Variants in WDPCP observed in about 807,000 individuals in gnomAD.
WDPCP encodes the protein WD repeat-containing and planar cell polarity effector protein fritz homolog.
WDPCP carries 71 observed loss-of-function variants against 93.1 expected under a neutral mutation model. The ratio of observed to expected loss-of-function variants is 0.76; its 90% confidence interval spans 0.63 to 0.93. The LOEUF (loss-of-function observed/expected upper bound fraction) is 0.93, where lower values mean the gene tolerates loss of function less well. Ranked by LOEUF, WDPCP falls within the 40% of genes least tolerant of loss-of-function variation. WDPCP has a pLI of 0.00. For missense variants in WDPCP, 844 were observed against 887.4 expected (o/e 0.95, Z 0.62); for synonymous variants, 315 against 315.0 (o/e 1.00, Z 0.00).
rs143107920 is a variant in WDPCP, at chr2:63,656,688, T to C, written n.309-5850A>G. Among the ~76,000 whole-genome samples, 95 of 152,378 alleles carry C rather than the reference T, an allele frequency of 6.2e-4. 1 individual carries two copies. The East Asian group carries it at 0.013, about 21-fold the overall frequency. On this transcript the variant is annotated intron_variant and non_coding_transcript_variant, in intron 2 of 4. Transcript: ENST00000467687. ...AGTACCTACTATGTGCCAAGCACTA[T>C]TCAAGGTGCTGAAGACAGAGCAATA...
At chr2:63,614,506 G>C (rs1373929422) in intron 3 of WDPCP, among the ~76,000 whole-genome samples, 1 of 152,078 alleles carries the variant, frequency 6.6e-6, no homozygotes. Context: ...TGATGTCTTT[G>C]GTATGCTGAG....
intron 10 of WDPCP, among the ~76,000 whole-genome samples, chr2:63,393,979 A>G (rs1398119234): frequency 6.6e-6 from 1 of 152,186 alleles, no homozygotes; most frequent in Non-Finnish European, 1.5e-5. Context: ...CTGCAAGGTA[A>G]CCTAGGAAAT....
intron 17 of WDPCP, among the ~76,000 whole-genome samples, chr2:63,127,424 G>A (rs2153397418): frequency 6.6e-6 from 1 of 151,696 alleles, no homozygotes; most frequent in Non-Finnish European, 1.5e-5. Flanking sequence ...CACCCGGCCT[G>A]AAAATATTTT....
intron 12 of WDPCP, among the ~76,000 whole-genome samples, chr2:63,332,073 G>T (rs1688016147): frequency 6.6e-6 from 1 of 150,380 alleles, no homozygotes; most frequent in Non-Finnish European, 1.5e-5. Flanking sequence ...AGTTCTCTTG[G>T]GGGGAGATAC....
intron 10 of WDPCP, among the ~76,000 whole-genome samples, chr2:63,390,565 G>C (rs1012054213): frequency 1.1e-4 from 16 of 152,184 alleles, no homozygotes; most frequent in African/African-American, 3.9e-4. Flanking sequence ...AGAACTGAAA[G>C]AGATAGAGAC....
intron 17 of WDPCP, among the ~76,000 whole-genome samples, chr2:63,147,977 A>AC (rs1346218732): frequency 5.9e-5 from 9 of 151,892 alleles, no homozygotes; most frequent in African/African-American, 2.2e-4. Context: ...CAAAAAAAAA[A>AC]AAAAAAAAAA....
At chr2:63,585,786 C>G (rs1361481569) in intron 1 of WDPCP, among the ~76,000 whole-genome samples, 1 of 148,584 alleles carries the variant, frequency 6.7e-6, no homozygotes, top group African/African-American at 2.5e-5. Context: ...AGATCTATAA[C>G]AATTTTATAT....
intron 2 of WDPCP, among the ~76,000 whole-genome samples, chr2:63,492,312 T>C (rs1016000016): frequency 2.6e-5 from 4 of 152,176 alleles, no homozygotes; most frequent in East Asian, 3.9e-4. Context: ...CCCCCCAAAA[T>C]TGTGAAAAAC....
At chr2:63,224,238 A>G (rs910075156) in intron 14 of WDPCP, among the ~76,000 whole-genome samples, 3 of 151,776 alleles carry the variant, frequency 2.0e-5, no homozygotes, top group African/African-American at 7.3e-5. Context: ...AATCTAGCAC[A>G]CTCATGACAT....
chr2:63,144,089 T>C (rs1401860599), intron 17 of WDPCP, among the ~76,000 whole-genome samples: 2 of 152,174 alleles, frequency 1.3e-5, no homozygotes, highest in East Asian at 3.9e-4. Context: ...TTCTTAAGTT[T>C]GGTTGTTTAA....
chr2:63,256,006 A>G (rs933305407), intron 14 of WDPCP, among the ~76,000 whole-genome samples: 1 of 152,204 alleles, frequency 6.6e-6, no homozygotes, highest in Non-Finnish European at 1.5e-5. Context: ...GAAAACTACA[A>G]AACATTTTTC....
At chr2:63,782,246 T>C (rs1459468188) in intron 2 of WDPCP, among the ~76,000 whole-genome samples, 2 of 152,146 alleles carry the variant, frequency 1.3e-5, no homozygotes, top group East Asian at 3.8e-4. Flanking sequence ...TTCTGGACAT[T>C]TGAATAGGCA....
intron 2 of WDPCP, among the ~76,000 whole-genome samples, chr2:63,708,949 G>A (rs111809470): frequency 0.017 from 2,547 of 150,406 alleles, 21 homozygotes; most frequent in African/African-American, 0.018. Flanking sequence ...AAATTTGGCC[G>A]GGCACTCACG....
chr2:63,228,874 A>G (rs1251747635), intron 14 of WDPCP: 3 of 152,168 alleles, frequency 2.0e-5, no homozygotes, highest in African/African-American at 7.2e-5. Flanking sequence ...GCTATTGTGA[A>G]TAGTGCTGCA....
chr2:63,231,372 A>G (rs1342309752), intron 14 of WDPCP, among the ~76,000 whole-genome samples: 2 of 152,200 alleles, frequency 1.3e-5, no homozygotes, highest in Non-Finnish European at 2.9e-5. Context: ...TTCAGTTAGG[A>G]AAAGAGGAAG....
chr2:63,817,902 G>A (rs373627588), intron 1 of WDPCP, among the ~76,000 whole-genome samples: 3 of 152,092 alleles, frequency 2.0e-5, no homozygotes, highest in African/African-American at 7.2e-5. Context: ...TTTACCGTAG[G>A]GCACTTAGGT....
chr2:63,509,157 T>C (rs577136859), intron 1 of WDPCP, among the ~76,000 whole-genome samples: 1 of 152,170 alleles, frequency 6.6e-6, no homozygotes, highest in Non-Finnish European at 1.5e-5. Flanking sequence ...ATAGCCCTTA[T>C]TCTAAAATTA....
intron 6 of WDPCP, among the ~76,000 whole-genome samples, chr2:63,472,293 C>T (rs1238045548): frequency 6.6e-6 from 1 of 151,400 alleles, no homozygotes; most frequent in African/African-American, 2.4e-5. Context: ...TTTTTTTAAT[C>T]ATTGGGTCCT....
intron 14 of WDPCP, among the ~76,000 whole-genome samples, chr2:63,217,199 T>C (rs985202087): frequency 5.3e-5 from 8 of 152,204 alleles, no homozygotes; most frequent in Non-Finnish European, 1.5e-5. Flanking sequence ...AAAAGAATTT[T>C]CTGAGATCTG....
Sources: allele counts gnomAD v4.1 joint callset (sites outside exome capture counted in the v4.1 genomes callset), GRCh38; gene constraint gnomAD v4.1.1; transcripts MANE v1.5; gene names NCBI Gene and HGNC (gene_info 2026-07-23, HGNC 2026-07-21).